Variants in GRM8 observed in about 807,000 individuals in gnomAD.
The protein encoded by GRM8 is metabotropic glutamate receptor 8.
GRM8 carries 47 observed loss-of-function variants against 87.2 expected under a neutral mutation model. That is an observed-to-expected ratio of 0.54 (90% CI 0.43 to 0.69). The LOEUF is 0.69. GRM8 is among the 30% of genes least tolerant of loss of function. The pLI, the probability that GRM8 is intolerant of heterozygous loss-of-function variation, is 0.00. For synonymous variants in GRM8, 396 were observed against 404.5 expected, an observed-to-expected ratio of 0.98 and a Z score of 0.25; for missense variants, 1,019 against 1,139.2, an observed-to-expected ratio of 0.89 and a Z score of 1.52.
chr7:126,441,308 T>A (rs1801443572), intron 10 of GRM8, among the ~76,000 whole-genome samples: 1 of 152,048 alleles, frequency 6.6e-6, no homozygotes, highest in Admixed American at 6.6e-5. Context: ...AAGACTCAAA[T>A]AAAGAAATGT....
At chr7:127,113,734 G>A (rs982564235) in intron 2 of GRM8, among the ~76,000 whole-genome samples, 2 of 151,894 alleles carry the variant, frequency 1.3e-5, no homozygotes, top group Non-Finnish European at 2.9e-5. Flanking sequence ...CTGGCCTTGG[G>A]GTAGATTTGT....
chr7:126,821,235 T>C (rs1408937278), intron 6 of GRM8, among the ~76,000 whole-genome samples: 1 of 152,214 alleles, frequency 6.6e-6, no homozygotes, highest in Non-Finnish European at 1.5e-5. Context: ...GTTTCCTATC[T>C]CCTCTTTTCC....
rs906998409 is a variant in GRM8, at chr7:126,685,392, C to T, written c.1358-75894G>A. Among the ~76,000 whole-genome samples the T allele has an allele frequency of 7.2e-5, 11 of 152,250 alleles. No individual in the cohort carries two copies. The highest frequency in any genetic ancestry group is 2.4e-4 in the African/African-American group (10 of 41,556). ...GCCCTGGACAAGCGGGAGACCCACC[C>T]CCTCTGAGTTAGCTGGGTGGGAGCT... is the stretch of plus-strand genomic sequence containing the variant. On this transcript the variant is annotated intron_variant, in intron 7 of 10. Coordinates refer to ENST00000339582, the MANE Select transcript of GRM8 (RefSeq NM_000845.3). The surrounding 1 kb of genome is among the most constrained non-coding windows in gnomAD (Gnocchi z 4.2).
intron 9 of GRM8, among the ~76,000 whole-genome samples, chr7:126,448,582 TG>T (rs1802275245): frequency 6.6e-6 from 1 of 151,926 alleles, no homozygotes; most frequent in Admixed American, 6.6e-5. Context: ...GCCAACTCAA[TG>T]AAAGATGTAA....
intron 2 of GRM8, among the ~76,000 whole-genome samples, chr7:127,197,658 T>C (rs560653487): frequency 4.6e-5 from 7 of 151,192 alleles, no homozygotes; most frequent in East Asian, 3.9e-4. Context: ...GTGAACAATA[T>C]AAAGGTAAAC....
At chr7:126,672,575 AT>A (rs1806493024) in intron 7 of GRM8, among the ~76,000 whole-genome samples, 1 of 152,162 alleles carries the variant, frequency 6.6e-6, no homozygotes, top group African/African-American at 2.4e-5. Flanking sequence ...GGAAAAGTTA[AT>A]TTTCCAAACC....
intron 3 of GRM8, among the ~76,000 whole-genome samples, chr7:127,069,189 G>A (rs949074971): frequency 5.9e-5 from 9 of 152,116 alleles, no homozygotes; most frequent in Admixed American, 1.3e-4. Context: ...TAAAGACAGC[G>A]TCTCACTCTG....
chr7:126,707,818 T>C (rs1478079264), intron 7 of GRM8, among the ~76,000 whole-genome samples: 1 of 152,032 alleles, frequency 6.6e-6, no homozygotes, highest in East Asian at 1.9e-4. Flanking sequence ...GGAGAAAATC[T>C]CCTTGACATT....
In GRM8 at chr7:126,587,668, G is replaced by A. The variant is rs533487968; in HGVS notation, c.1494+21694C>T. ...ACAGGAAGGGGAACATGACACACCGGGCCTGTCATGGGATGGGCGGGGGGA... is the reference window on the plus strand; with the variant it reads ...ACAGGAAGGGGAACATGACACACCGAGCCTGTCATGGGATGGGCGGGGGGA... On this transcript the variant is annotated intron_variant, in intron 8 of 10. Coordinates refer to ENST00000339582, the MANE Select transcript of GRM8 (RefSeq NM_000845.3). 3.0e-3 allele frequency among the ~76,000 whole-genome samples: 437 copies of A among 146,256 alleles called. 1 individual carries two copies. Among genetic ancestry groups the A allele is most frequent in the Non-Finnish European group, 5.4e-3 (359 of 66,674 alleles).
chr7:126,578,433 G>A (rs1469500612), intron 8 of GRM8, among the ~76,000 whole-genome samples: 1 of 152,176 alleles, frequency 6.6e-6, no homozygotes, highest in African/African-American at 2.4e-5. Flanking sequence ...GTGGTGTGGA[G>A]AAGAATACAG....
intron 3 of GRM8, among the ~76,000 whole-genome samples, chr7:127,010,896 G>A (rs1563408869): frequency 6.6e-6 from 1 of 152,040 alleles, no homozygotes; most frequent in Non-Finnish European, 1.5e-5. Context: ...GAAAGAAAGA[G>A]AAAGAGGAGC....
At chr7:126,467,892 A>T (rs149524243) in intron 9 of GRM8, among the ~76,000 whole-genome samples, 1 of 152,182 alleles carries the variant, frequency 6.6e-6, no homozygotes, top group East Asian at 1.9e-4. Flanking sequence ...TCCATTTACC[A>T]TTCTCAGAAC....
intron 8 of GRM8, among the ~76,000 whole-genome samples, chr7:126,585,931 C>T (rs565205496): frequency 6.6e-6 from 1 of 152,148 alleles, no homozygotes; most frequent in African/African-American, 2.4e-5. Flanking sequence ...TTTAGAAAAC[C>T]CCATTGTCTC....
At chr7:126,842,282 T>C (rs1347935531) in intron 6 of GRM8, among the ~76,000 whole-genome samples, 1 of 152,182 alleles carries the variant, frequency 6.6e-6, no homozygotes, top group Non-Finnish European at 1.5e-5. Context: ...GGCAATAGGA[T>C]ACTGCAAACC....
chr7:127,055,402 T>A (rs1208596275), intron 3 of GRM8, among the ~76,000 whole-genome samples: 1 of 152,098 alleles, frequency 6.6e-6, no homozygotes, highest in Non-Finnish European at 1.5e-5. Context: ...TATGGACTTA[T>A]CAGAATGTGA....
At chr7:127,121,875 A>T (rs1010391518) in intron 2 of GRM8, among the ~76,000 whole-genome samples, 2 of 152,138 alleles carry the variant, frequency 1.3e-5, no homozygotes, top group African/African-American at 4.8e-5. Context: ...CTACAATTCC[A>T]CATGGGATTT....
At chr7:126,701,866 G>C (rs752577006) in intron 7 of GRM8, 5 of 827,484 alleles carry the variant, frequency 6.0e-6, no homozygotes, top group South Asian at 1.4e-5. Flanking sequence ...TGATTATAAT[G>C]AGTTAATGAC....
At chr7:127,132,840 C>T (rs1163230552) in intron 2 of GRM8, among the ~76,000 whole-genome samples, 1 of 152,136 alleles carries the variant, frequency 6.6e-6, no homozygotes, top group Non-Finnish European at 1.5e-5. Context: ...CCTAGATGTT[C>T]ACTGGCAAAA....
chr7:126,920,516 G>C (rs1216725930), intron 3 of GRM8, among the ~76,000 whole-genome samples: 1 of 152,122 alleles, frequency 6.6e-6, no homozygotes, highest in East Asian at 1.9e-4. Flanking sequence ...CTGGGGATGA[G>C]GCCAACAGAA....
Sources: gnomAD v4.1 joint callset for allele counts (sites outside exome capture counted in the v4.1 genomes callset) on GRCh38, gnomAD v4.1.1 for gene constraint, Gnocchi (gnomAD v3.1) non-coding constraint, MANE v1.5 for transcripts, NCBI Gene and HGNC (gene_info 2026-07-23, HGNC 2026-07-21) for gene names.